The following ANKRD12 variants were observed in gnomAD, a reference collection of about 807,000 sequenced individuals.
The protein encoded by ANKRD12 is ankyrin repeat domain 12.
A neutral mutation model predicts 183.4 loss-of-function variants in ANKRD12; 85 were observed. That is an observed-to-expected ratio of 0.46 (90% CI 0.39 to 0.56). ANKRD12 has a LOEUF of 0.56. ANKRD12 is among the 20% of genes least tolerant of loss of function. ANKRD12 has a pLI of 0.00. For synonymous variants in ANKRD12, 914 were observed against 800.2 expected, an observed-to-expected ratio of 1.14 and a Z score of -2.40; for missense variants, 2,405 against 2,357.1, an observed-to-expected ratio of 1.02 and a Z score of -0.42.
chr18:9,259,479 A>G (rs1415882134), intron 9 of ANKRD12: 1 of 152,224 alleles, frequency 6.6e-6, no homozygotes, highest in Non-Finnish European at 1.5e-5. Flanking sequence ...ATATAAACAC[A>G]TAAATGTGTG....
In ANKRD12 at chr18:9,283,536, G is replaced by GA. The variant is rs1382369655; in HGVS notation, c.*2417dup. ...GATATTCTGAAGCTCTGAAATGCTA[G>GA]AAAAAAATTTGGAATGGAGTATATG... On this transcript the variant is annotated 3_prime_UTR_variant, in exon 13 of 13. Transcript: ENST00000262126. 3 of 152,454 alleles carry GA rather than the reference G, an allele frequency of 2.0e-5. No individual in the cohort carries two copies. The highest frequency in any genetic ancestry group is 2.9e-5 in the Non-Finnish European group (2 of 67,998). 9.4% of individuals were successfully genotyped at this position (152,454 alleles called of 1,614,324 possible). A position where few individuals can be genotyped will look rare whatever the true frequency, so the allele number is the denominator to read the frequency against.
At chr18:9,259,720 A>G (rs1488092942) in intron 9 of ANKRD12, 2 of 152,190 alleles carry the variant, frequency 1.3e-5, no homozygotes, top group Admixed American at 6.5e-5. Flanking sequence ...AACACAGCAC[A>G]ATATAGTAGA....
intron 1 of ANKRD12, among the ~76,000 whole-genome samples, chr18:9,138,378 T>C (rs2078198877): frequency 6.6e-6 from 1 of 152,130 alleles, no homozygotes; most frequent in African/African-American, 2.4e-5. Flanking sequence ...CCAGGCGTGG[T>C]GGCGCATGTC....
At chr18:9,264,067 C>T (rs983563230) in intron 10 of ANKRD12, among the ~76,000 whole-genome samples, 179 bp downstream of exon 10, 1 of 152,128 alleles carries the variant, frequency 6.6e-6, no homozygotes, top group Non-Finnish European at 1.5e-5. Context: ...AGGATAGCTG[C>T]TCCCATATTA....
At chr18:9,219,672 G>A (rs541137993) in intron 7 of ANKRD12, among the ~76,000 whole-genome samples, 14 of 151,044 alleles carry the variant, frequency 9.3e-5, no homozygotes, top group East Asian at 3.9e-4. Context: ...AGGTTGGCCC[G>A]TAGGTCATAA....
At chr18:9,179,211 C>T (rs1010055081) in intron 1 of ANKRD12, among the ~76,000 whole-genome samples, 1 of 152,094 alleles carries the variant, frequency 6.6e-6, no homozygotes, top group Non-Finnish European at 1.5e-5. Context: ...ATCATGGTAT[C>T]TGGAAATAAG....
chr18:9,233,838 C>T (rs2037191863), intron 8 of ANKRD12, among the ~76,000 whole-genome samples: 1 of 152,128 alleles, frequency 6.6e-6, no homozygotes, highest in Non-Finnish European at 1.5e-5. Flanking sequence ...TTCTGAGCCC[C>T]AGCCCATCAT....
At chr18:9,217,152 A>G (rs2036154048) in intron 7 of ANKRD12, among the ~76,000 whole-genome samples, 1 of 152,230 alleles carries the variant, frequency 6.6e-6, no homozygotes, top group Non-Finnish European at 1.5e-5. Flanking sequence ...ATTTCAAGGC[A>G]TTCTTTATAA....
At chr18:9,228,750 T>C (rs766681944) in intron 8 of ANKRD12, among the ~76,000 whole-genome samples, 1 of 150,290 alleles carries the variant, frequency 6.7e-6, no homozygotes, top group Non-Finnish European at 1.5e-5. Context: ...AAATATTTTC[T>C]CTCATTCGAG....
At chr18:9,263,279 T>C (rs1392152875) in intron 9 of ANKRD12, among the ~76,000 whole-genome samples, 1 of 152,232 alleles carries the variant, frequency 6.6e-6, no homozygotes, top group East Asian at 1.9e-4. Flanking sequence ...CATTGGGATA[T>C]TACATGTAAT....
rs1030316854 is a variant in ANKRD12, at chr18:9,267,300, C to G, written c.5763+3412C>G. 5.9e-5 allele frequency among the ~76,000 whole-genome samples: 9 copies of G among 152,266 alleles called. No individual in the cohort carries two copies. In the East Asian group the frequency reaches 1.7e-3, roughly 29 times the overall value. ...TAGACATTTACAGAACTCTCCACCC[C>G]AAATCAACAGAATATACATTCTTCT... On this transcript the variant is annotated intron_variant, in intron 10 of 12. Coordinates refer to ENST00000262126, the MANE Select transcript of ANKRD12 (RefSeq NM_015208.5).
rs887377301 is a variant in ANKRD12 at position 9,208,678 on chromosome 18, A to G, written c.326A>G (p.Lys109Arg). Residue 109 changes from lysine to arginine, a missense_variant, in exon 5 of 13, where the codon AAG (lysine) becomes AGG (arginine). Lys to Arg is a conservative substitution (Grantham distance 26). Transcript: ENST00000262126. ...CCAGAGAAAGAAGGTCCAGAAAAGAAGAAGACAAAAAAGGAAGCTGGAAAT... is the reference window on the plus strand; with the variant it reads ...CCAGAGAAAGAAGGTCCAGAAAAGAGGAAGACAAAAAAGGAAGCTGGAAAT... ...TYSEKEGPEK[K>R]KTKKEAGNKK... 1 of 1,609,670 alleles carries G rather than the reference A, an allele frequency of 6.2e-7. No homozygotes were observed. Among genetic ancestry groups the G allele is most frequent in the African/African-American group, 1.3e-5 (1 of 74,746 alleles).
chr18:9,139,758 C>T (rs374985019), intron 1 of ANKRD12, among the ~76,000 whole-genome samples: 9 of 152,276 alleles, frequency 5.9e-5, no homozygotes, highest in Admixed American at 3.3e-4. Flanking sequence ...GATGCCTGTG[C>T]CTTGTAAAGG....
intron 3 of ANKRD12, among the ~76,000 whole-genome samples, chr18:9,200,844 G>C (rs1474045284): frequency 6.6e-6 from 1 of 152,156 alleles, no homozygotes; most frequent in Non-Finnish European, 1.5e-5. Context: ...TACAGGGTTG[G>C]CATAGCAGTT....
At chr18:9,263,073 G>A (rs2039074344) in intron 9 of ANKRD12, among the ~76,000 whole-genome samples, 1 of 152,098 alleles carries the variant, frequency 6.6e-6, no homozygotes, top group Admixed American at 6.6e-5. Context: ...TGGGATTACA[G>A]GTGTGGACCA....
At chr18:9,263,744 G>A (rs373040049) in intron 9 of ANKRD12, 46 bp from the exon 10 acceptor site, 4 of 1,357,604 alleles carry the variant, frequency 2.9e-6, no homozygotes, top group East Asian at 2.7e-5. Flanking sequence ...GCCCATTATT[G>A]TAAATAAAAC....
At position 9,257,298 on chromosome 18, in the gene ANKRD12, C is replaced by G; in HGVS notation, c.4031C>G (p.Pro1344Arg). The change falls in exon 9 of 13, where the codon CCT becomes CGT. Residue 1344 changes from proline to arginine, a missense_variant. Around this residue, in one of 7 missense-constraint regions of ANKRD12, gnomAD observed 1,983 missense variants for 1,725.9 expected, o/e 1.15. Transcript: ENST00000262126. The part of the protein sequence containing the change: ...SLLTVPGDTS[P>R]SPKPEVFSNV... ...TTAACTGTGCCAGGAGATACTAGTC[C>G]TTCTCCCAAACCTGAGGTATTCTCA... The G allele has an allele frequency of 6.2e-7, 1 of 1,614,112 alleles. No homozygotes were observed. Among genetic ancestry groups the G allele is most frequent in the Non-Finnish European group, 8.5e-7 (1 of 1,179,972 alleles).
intron 8 of ANKRD12, among the ~76,000 whole-genome samples, chr18:9,241,280 A>G (rs1399821459): frequency 2.6e-5 from 4 of 152,308 alleles, no homozygotes; most frequent in African/African-American, 9.6e-5. Flanking sequence ...TTTATAGAGT[A>G]GTTTGCATAT....
intron 1 of ANKRD12, among the ~76,000 whole-genome samples, chr18:9,177,059 G>C (rs1237952824): frequency 6.6e-6 from 1 of 152,190 alleles, no homozygotes; most frequent in Admixed American, 6.5e-5. Flanking sequence ...TCTATAAACT[G>C]CATCATTTAG....
Sources: allele counts gnomAD v4.1 joint callset (sites outside exome capture counted in the v4.1 genomes callset), GRCh38; gene constraint gnomAD v4.1.1; regional missense constraint gnomAD v4.1.1; transcripts MANE v1.5; gene names NCBI Gene and HGNC (gene_info 2026-07-23, HGNC 2026-07-21).